PIAS1: variants seen among roughly 807,000 people sequenced by gnomAD.
PIAS1 encodes the protein protein inhibitor of activated STAT 1, also known as E3 SUMO-protein ligase PIAS1.
In PIAS1, 6 loss-of-function variants were observed where a neutral mutation model predicts 71.3. That is an observed-to-expected ratio of 0.08 (90% confidence interval 0.05 to 0.17). The LOEUF (loss-of-function observed/expected upper bound fraction) is 0.17. Ranked by LOEUF, PIAS1 falls within the 10% of genes least tolerant of loss-of-function variation. PIAS1 has a pLI of 1.00. For missense variants in PIAS1, 555 were observed against 793.6 expected, an observed-to-expected ratio of 0.70 and a Z score of 3.61; for synonymous variants, 303 against 292.9, an observed-to-expected ratio of 1.03 and a Z score of -0.35.
chr15:68,150,214 G>T (rs1328484631), intron 6 of PIAS1, among the ~76,000 whole-genome samples: 1 of 151,960 alleles, frequency 6.6e-6, no homozygotes, highest in African/African-American at 2.4e-5. Context: ...TGTATGAAAA[G>T]AATAGCTCAC....
At chr15:68,157,721 G>A (rs2092900475) in intron 7 of PIAS1, among the ~76,000 whole-genome samples, 1 of 151,988 alleles carries the variant, frequency 6.6e-6, no homozygotes, top group Non-Finnish European at 1.5e-5. Flanking sequence ...TTTATCTTGG[G>A]TGCACTTTTC....
chr15:68,093,126 C>T (rs947751125), intron 2 of PIAS1, among the ~76,000 whole-genome samples: 5 of 152,122 alleles, frequency 3.3e-5, no homozygotes, highest in Non-Finnish European at 5.9e-5. Flanking sequence ...GAATCTGTTG[C>T]GAATGGGGAA....
intron 1 of PIAS1, among the ~76,000 whole-genome samples, chr15:68,076,530 T>G (rs1054174518): frequency 4.6e-5 from 7 of 151,958 alleles, no homozygotes; most frequent in African/African-American, 1.7e-4. Flanking sequence ...CAAAAAAGAT[T>G]GGGGAATCCT....
chr15:68,164,413 A>G lies in PIAS1; in HGVS notation c.935-318A>G, dbSNP rs1444761715. ...CCTTGATCCAATATCTTAGAGTTATAAAAGAAAAAGGGTCTACCATTAGTT... is the reference window on the plus strand; with the variant it reads ...CCTTGATCCAATATCTTAGAGTTATGAAAGAAAAAGGGTCTACCATTAGTT... On this transcript the variant is annotated intron_variant, in intron 7 of 13. Transcript: ENST00000249636. 3.3e-5 allele frequency among the ~76,000 whole-genome samples: 5 copies of G among 152,308 alleles called. No homozygotes were observed. The East Asian group carries it at 9.6e-4, about 29-fold the overall frequency.
rs186083110 is a variant in PIAS1, at chr15:68,117,411, A to G, written c.470-24535A>G. 2.9e-4 allele frequency among the ~76,000 whole-genome samples: 44 copies of G among 152,302 alleles called. No individual in the cohort carries two copies. In the East Asian group the frequency reaches 8.3e-3, roughly 29 times the overall value. On this transcript the variant is annotated intron_variant, in intron 2 of 13. Transcript: ENST00000249636. ...CCTTCTTGCTATTTTGAAATATGCA[A>G]TACATTATTGTTAACTCTAGTTATG...
At position 68,186,025 on chromosome 15, in the gene PIAS1, G is replaced by T. The variant is rs1369446231; in HGVS notation, c.1663-1517G>T. 6.6e-6 allele frequency among the ~76,000 whole-genome samples: 1 copy of T among 152,102 alleles called. No homozygotes were observed. The highest frequency in any genetic ancestry group is 6.6e-5 in the Admixed American group (1 of 15,260). The stretch of plus-strand genomic sequence containing the variant: ...ACAATGAAAGGTTTTCATTAATAGA[G>T]AGGAATGTTTATGGTACATTATCTA... On this transcript the variant is annotated intron_variant, in intron 13 of 13. Coordinates refer to ENST00000249636, the MANE Select transcript of PIAS1 (RefSeq NM_016166.3). The surrounding 1 kb of genome is among the most constrained non-coding windows in gnomAD (Gnocchi z 4.4).
Position 68,188,546 on chromosome 15 carries a change from TCA to T in PIAS1, c.*713_*714del, listed in dbSNP as rs1160662577. On this transcript the variant is annotated 3_prime_UTR_variant, in exon 14 of 14. Transcript: ENST00000249636. ...TCAAAGTGCTTTGAAGGTCTTGAAC[TCA>T]CGTGTGAGCATCTTTATCAACTATC... is the stretch of plus-strand genomic sequence containing the variant. The T allele has an allele frequency of 6.6e-6, 1 of 152,250 alleles. No homozygotes were observed. Among genetic ancestry groups the T allele is most frequent in the Non-Finnish European group, 1.5e-5 (1 of 68,066 alleles). The allele number at this position is 152,250 out of a possible 1,614,324, so 9.4% of individuals were successfully genotyped here.
chr15:68,100,370 T>G (rs1168690498), intron 2 of PIAS1, among the ~76,000 whole-genome samples: 1 of 152,212 alleles, frequency 6.6e-6, no homozygotes, highest in Non-Finnish European at 1.5e-5. Flanking sequence ...GATACCTAAC[T>G]GTCCTGTCAC....
chr15:68,060,487 C>G (rs1488393985), intron 1 of PIAS1, among the ~76,000 whole-genome samples: 1 of 151,934 alleles, frequency 6.6e-6, no homozygotes. Flanking sequence ...GTGGTGCGCA[C>G]CTGTAATCTC....
intron 2 of PIAS1, among the ~76,000 whole-genome samples, chr15:68,101,855 A>G (rs1183914881): frequency 1.3e-5 from 2 of 150,592 alleles, no homozygotes; most frequent in Non-Finnish European, 3.0e-5. Context: ...GGCTCAGGCA[A>G]TCCTCCTGCC....
intron 2 of PIAS1, among the ~76,000 whole-genome samples, chr15:68,110,751 A>T (rs2092517228): frequency 6.6e-6 from 1 of 152,074 alleles, no homozygotes; most frequent in African/African-American, 2.4e-5. Flanking sequence ...GAAAAAAAAA[A>T]GGTATTTATT....
At chr15:68,116,737 C>A (rs993870504) in intron 2 of PIAS1, among the ~76,000 whole-genome samples, 9 of 151,886 alleles carry the variant, frequency 5.9e-5, no homozygotes, top group African/African-American at 1.9e-4. Context: ...TCTCTAAATA[C>A]TGCTTTAGCT....
intron 7 of PIAS1, among the ~76,000 whole-genome samples, chr15:68,155,771 C>A (rs889788308): frequency 2.6e-5 from 4 of 152,182 alleles, no homozygotes; most frequent in African/African-American, 9.6e-5. Context: ...TGTCCCCTCA[C>A]AACTATGAAA....
intron 2 of PIAS1, among the ~76,000 whole-genome samples, chr15:68,112,455 G>T (rs1306967770): frequency 6.6e-6 from 1 of 151,878 alleles, no homozygotes; most frequent in Non-Finnish European, 1.5e-5. Flanking sequence ...GTAGGTTTTT[G>T]ACTAGCTCAT....
At chr15:68,161,503 T>A (rs964273629) in intron 7 of PIAS1, among the ~76,000 whole-genome samples, 7 of 151,934 alleles carry the variant, frequency 4.6e-5, no homozygotes, top group Admixed American at 6.6e-5. Flanking sequence ...TTTTTTTTTT[T>A]AATAGAAATT....
chr15:68,119,180 A>C (rs2092592041), intron 2 of PIAS1, among the ~76,000 whole-genome samples: 1 of 124,098 alleles, frequency 8.1e-6, no homozygotes, highest in Non-Finnish European at 1.6e-5. Flanking sequence ...TGGGTGGATC[A>C]CTTGAGGTCA....
At chr15:68,101,590 T>C (rs1374142698) in intron 2 of PIAS1, among the ~76,000 whole-genome samples, 1 of 152,194 alleles carries the variant, frequency 6.6e-6, no homozygotes, top group Non-Finnish European at 1.5e-5. Flanking sequence ...TGCCTCAGCC[T>C]CCTGAGTAGC....
In PIAS1 at chr15:68,086,762, G is replaced by T. The variant is rs2092286702; in HGVS notation, c.469+12G>T. Reference sequence around the variant, plus strand: ...ACCCACCAGTCTAGGTAAGATTATTGTATGATAGTATTTGGTTACTTTTGC... The same window carrying T: ...ACCCACCAGTCTAGGTAAGATTATTTTATGATAGTATTTGGTTACTTTTGC... On this transcript the variant is annotated intron_variant, in intron 2 of 13. Transcript: ENST00000249636. The surrounding 1 kb of genome is among the most constrained non-coding windows in gnomAD (Gnocchi z 7.2). 3.3e-6 allele frequency: 5 copies of T among 1,531,872 alleles called. No individual in the cohort carries two copies. Among genetic ancestry groups the T allele is most frequent in the Non-Finnish European group, 4.5e-6 (5 of 1,109,334 alleles). The allele number at this position is 1,531,872 out of a possible 1,614,324, so 94.9% of individuals were successfully genotyped here. A position where few individuals can be genotyped will look rare whatever the true frequency, so the allele number is the denominator to read the frequency against.
Position 68,146,706 on chromosome 15 carries a change from T to A in PIAS1, c.828+6T>A. 1 of 1,601,888 alleles carries A rather than the reference T, an allele frequency of 6.2e-7. No individual in the cohort carries two copies. The highest frequency in any genetic ancestry group is 8.5e-7 in the Non-Finnish European group (1 of 1,172,372). On this transcript the variant is annotated splice_donor_region_variant and intron_variant, in intron 6 of 13. Coordinates refer to ENST00000249636, the MANE Select transcript of PIAS1 (RefSeq NM_016166.3). Reference sequence around the variant, plus strand: ...GGACTGCAGAAATTGGAAGAGTAAGTAAATTTTTGTTTCTACCAGATTTTT... The same window carrying A: ...GGACTGCAGAAATTGGAAGAGTAAGAAAATTTTTGTTTCTACCAGATTTTT...
Sources: allele counts gnomAD v4.1 joint callset (sites outside exome capture counted in the v4.1 genomes callset), GRCh38; gene constraint gnomAD v4.1.1; non-coding constraint Gnocchi (gnomAD v3.1); transcripts MANE v1.5; gene names NCBI Gene and HGNC (gene_info 2026-07-23, HGNC 2026-07-21).